The following EXD2 variants were observed in gnomAD, a reference collection of about 807,000 sequenced individuals.
EXD2 encodes exonuclease 3'-5' domain-containing protein 2.
EXD2 carries 40 observed loss-of-function variants against 62.5 expected under a neutral mutation model. The ratio of observed to expected loss-of-function variants is 0.64; its 90% confidence interval spans 0.50 to 0.83. The LOEUF (loss-of-function observed/expected upper bound fraction) is 0.83, where lower values mean the gene tolerates loss of function less well. Among genes scored for constraint, EXD2 ranks in the 40% least tolerant of loss-of-function variants. The pLI, the probability that EXD2 is intolerant of heterozygous loss-of-function variation, is 0.00. For missense variants in EXD2, 671 were observed against 761.8 expected, an observed-to-expected ratio of 0.88 and a Z score of 1.40; for synonymous variants, 239 against 291.9, an observed-to-expected ratio of 0.82 and a Z score of 1.85.
At chr14:69,209,935 G>A (rs2042751280) in intron 3 of EXD2, 132 bp downstream of exon 3, 1 of 681,426 alleles carries the variant, frequency 1.5e-6, no homozygotes, top group Non-Finnish European at 2.3e-6. Context: ...TTGCTTATAA[G>A]CAGATTTTAG....
Position 69,234,826 on chromosome 14 carries a change from G to GA in EXD2, c.849dup (p.Cys284MetfsTer22). 1 of 1,614,190 alleles carries GA rather than the reference G, an allele frequency of 6.2e-7. No homozygotes were observed. Among genetic ancestry groups the GA allele is most frequent in the African/African-American group, 1.3e-5 (1 of 75,052 alleles). On this transcript the variant is annotated frameshift_variant, in exon 6 of 10. Coordinates refer to ENST00000685843, the MANE Select transcript of EXD2 (RefSeq NM_001193360.2). LOFTEE classifies it high-confidence loss of function. ...CCACAGTAGCTGGAGAAAAGTCTTG[G>GA]AAAAATGCCAGGGTGTGGTCGACAT...
At position 69,241,950 on chromosome 14, in the gene EXD2, C is replaced by T; in HGVS notation, c.*850C>T. On this transcript the variant is annotated 3_prime_UTR_variant, in exon 10 of 10. Transcript: ENST00000685843. Reference sequence around the variant, plus strand: ...TTCTGAGAGTAATGTTATCTTTTATCAGAATCAGTATCAGTTCCCCTGTAT... The same window carrying T: ...TTCTGAGAGTAATGTTATCTTTTATTAGAATCAGTATCAGTTCCCCTGTAT... 1 of 398,752 alleles carries T rather than the reference C, an allele frequency of 2.5e-6. No individual in the cohort carries two copies. The highest frequency in any genetic ancestry group is 4.4e-6 in the Non-Finnish European group (1 of 226,066). 24.7% of individuals were successfully genotyped at this position (398,752 alleles called of 1,614,324 possible).
Position 69,228,997 on chromosome 14 carries a change from C to G in EXD2, c.515C>G (p.Ala172Gly), listed in dbSNP as rs1339603046. ...LKVGVGCSED[A>G]SKLLQDYGLV... ...GTTGGAGTGGGATGCTCAGAAGATG[C>G]CAGCAAGCTTCTGCAGGATTATGGC... The change falls in exon 4 of 10, where the codon GCC becomes GGC. Residue 172 changes from alanine (A) to glycine (G), a missense_variant. By Grantham distance (60) the Ala-to-Gly change is moderately conservative. Transcript: ENST00000685843. The G allele has an allele frequency of 1.2e-6, 2 of 1,614,160 alleles. No individual in the cohort carries two copies. The highest frequency in any genetic ancestry group is 1.7e-5 in the Admixed American group (1 of 60,008).
At chr14:69,240,794 A>G in intron 9 of EXD2, 90 bp from the exon 10 acceptor site, 1 of 1,126,884 alleles carries the variant, frequency 8.9e-7, no homozygotes, top group Non-Finnish European at 1.3e-6. Context: ...CAACCTCCCC[A>G]GTTACCCTTG....
rs1006806862 is a variant in EXD2, at chr14:69,235,022, A to G, written c.1040A>G (p.Tyr347Cys). Residue 347 changes from tyrosine to cysteine, a missense_variant, in exon 6 of 10, where the codon TAT becomes TGT. Tyr to Cys is a radical substitution (Grantham distance 194). Transcript: ENST00000685843. ...KHKRKPLGVG[Y>C]SARKSPLYDN... ...AAAAGAAAGCCTCTGGGGGTGGGCT[A>G]TTCTGCCAGGTAACTGAATCACTCC... is the stretch of plus-strand genomic sequence containing the variant. 1.3e-6 allele frequency: 2 copies of G among 1,588,452 alleles called. No homozygotes were observed. The highest frequency in any genetic ancestry group is 1.7e-6 in the Non-Finnish European group (2 of 1,170,204).
At chr14:69,206,739 C>T (rs955847526) in intron 2 of EXD2, among the ~76,000 whole-genome samples, 1 of 152,172 alleles carries the variant, frequency 6.6e-6, no homozygotes, top group Non-Finnish European at 1.5e-5. Flanking sequence ...GCCTCGGCCT[C>T]CCAAAGTGCT....
chr14:69,235,840 A>G (rs2043763501), intron 6 of EXD2: 1 of 589,778 alleles, frequency 1.7e-6, no homozygotes, highest in Non-Finnish European at 3.1e-6. Context: ...CTAGAGGCAT[A>G]AACTCATTCA....
intron 1 of EXD2, among the ~76,000 whole-genome samples, chr14:69,193,912 C>T (rs540596752): frequency 6.6e-6 from 1 of 152,156 alleles, no homozygotes; most frequent in African/African-American, 2.4e-5. Context: ...CATCCTACAG[C>T]GCACGGGAAA....
At chr14:69,240,838 C>T (rs1183742768) in intron 9 of EXD2, 46 bp from the exon 10 acceptor site, 9 of 1,558,074 alleles carry the variant, frequency 5.8e-6, no homozygotes, top group African/African-American at 2.7e-5. Context: ...GTGAGGCCAT[C>T]CTGCGCTTGT....
chr14:69,197,194 C>T (rs771719756), intron 1 of EXD2, among the ~76,000 whole-genome samples: 81 of 152,210 alleles, frequency 5.3e-4, no homozygotes, highest in Non-Finnish European at 1.0e-3. Context: ...GCACTGCAGC[C>T]TGGGCAACAG....
At chr14:69,201,687 T>A (rs1419170292) in intron 1 of EXD2, among the ~76,000 whole-genome samples, 2 of 136,936 alleles carry the variant, frequency 1.5e-5, no homozygotes. Flanking sequence ...TTTTTTTTTT[T>A]TTTTTTTTTT....
chr14:69,242,266 T>G lies in EXD2; in HGVS notation c.*1166T>G, dbSNP rs945880865. 1 of 377,130 alleles carries G rather than the reference T, an allele frequency of 2.7e-6. No homozygotes were observed. Among genetic ancestry groups the G allele is most frequent in the Admixed American group, 4.5e-5 (1 of 22,116 alleles). 23.4% of individuals were successfully genotyped at this position (377,130 alleles called of 1,614,324 possible). A position where few individuals can be genotyped will look rare whatever the true frequency, so the allele number is the denominator to read the frequency against. On this transcript the variant is annotated 3_prime_UTR_variant, in exon 10 of 10. Coordinates refer to ENST00000685843, the MANE Select transcript of EXD2 (RefSeq NM_001193360.2). ...TTAACAAGCTTAAAAAAGAATTTTA[T>G]GACCAGAATCCAACAAGAGCTCTAT...
intron 3 of EXD2, among the ~76,000 whole-genome samples, chr14:69,227,487 G>A (rs2043402108): frequency 6.6e-6 from 1 of 152,156 alleles, no homozygotes; most frequent in South Asian, 2.1e-4. Flanking sequence ...AGTTTTGTAT[G>A]TACATTTTTC....
At chr14:69,210,016 C>T in intron 3 of EXD2, 1 of 416,956 alleles carries the variant, frequency 2.4e-6, no homozygotes, top group African/African-American at 2.0e-5. Context: ...TTATGTCAAA[C>T]CTATATGAAT....
At chr14:69,206,573 C>T (rs543155797) in intron 2 of EXD2, among the ~76,000 whole-genome samples, 14 of 150,758 alleles carry the variant, frequency 9.3e-5, no homozygotes, top group African/African-American at 1.2e-4. Flanking sequence ...TTGACCTCCC[C>T]GGCTCAAGCT....
chr14:69,230,148 TG>T (rs1287801307), intron 4 of EXD2, among the ~76,000 whole-genome samples: 1 of 152,150 alleles, frequency 6.6e-6, no homozygotes, highest in Non-Finnish European at 1.5e-5. Flanking sequence ...GCACACTGCA[TG>T]GGTAGGAGTC....
intron 3 of EXD2, chr14:69,213,856 G>C (rs2042904230): frequency 6.6e-6 from 1 of 151,294 alleles, no homozygotes; most frequent in Non-Finnish European, 1.5e-5. Context: ...GTAGAGACAG[G>C]GTTTCACTGT....
At chr14:69,197,675 C>T (rs970621624) in intron 1 of EXD2, among the ~76,000 whole-genome samples, 3 of 152,114 alleles carry the variant, frequency 2.0e-5, no homozygotes, top group Non-Finnish European at 4.4e-5. Flanking sequence ...AGTGAGAACA[C>T]GCAGTATTTG....
chr14:69,212,991 G>C (rs1445267280), intron 3 of EXD2, among the ~76,000 whole-genome samples: 1 of 151,688 alleles, frequency 6.6e-6, no homozygotes, highest in East Asian at 1.9e-4. Flanking sequence ...GATTACAGGC[G>C]TGAGCAACCG....
Sources: gnomAD v4.1 joint callset for allele counts (sites outside exome capture counted in the v4.1 genomes callset) on GRCh38, gnomAD v4.1.1 for gene constraint, MANE v1.5 for transcripts, NCBI Gene and HGNC (gene_info 2026-07-23, HGNC 2026-07-21) for gene names.